CHST9: variants seen among roughly 807,000 people sequenced by gnomAD.
CHST9 encodes the protein carbohydrate sulfotransferase 9, also known as GalNAc-4-sulfotransferase 2.
Under a neutral mutation model 44.4 loss-of-function variants are expected in CHST9, and 41 were observed. The observed-to-expected ratio is 0.92, with a 90% CI of 0.72 to 1.20. The LOEUF is 1.20. Ranked by LOEUF, CHST9 falls within the 50% of genes most tolerant of loss-of-function variation. The probability of loss-of-function intolerance (pLI) is 0.00; values close to 1 mark genes in which losing one functional copy is unlikely to be tolerated. For synonymous variants in CHST9, 171 were observed against 178.4 expected (o/e 0.96, Z 0.33); for missense variants, 504 against 516.5 (o/e 0.98, Z 0.23).
intron 2 of CHST9, among the ~76,000 whole-genome samples, chr18:27,086,945 T>TA (rs898294598): frequency 1.7e-4 from 25 of 151,136 alleles, no homozygotes; most frequent in South Asian, 4.2e-4. Context: ...TTTAATTTTC[T>TA]AAAAAAAAAT....
intron 2 of CHST9, among the ~76,000 whole-genome samples, chr18:27,123,068 A>G (rs1392170466): frequency 1.3e-5 from 2 of 152,202 alleles, no homozygotes; most frequent in South Asian, 2.1e-4. Context: ...ATATATATCA[A>G]TGAGGAAATA....
At chr18:27,109,772 T>C (rs1443729662) in intron 2 of CHST9, among the ~76,000 whole-genome samples, 1 of 152,178 alleles carries the variant, frequency 6.6e-6, no homozygotes, top group Non-Finnish European at 1.5e-5. Context: ...CGACAACTTT[T>C]TTTTTTTAAC....
chr18:27,139,352 A>T (rs1414689930), intron 2 of CHST9, among the ~76,000 whole-genome samples: 1 of 152,102 alleles, frequency 6.6e-6, no homozygotes, highest in African/African-American at 2.4e-5. Context: ...TCTTTGAGTG[A>T]CAGTTCTAAA....
chr18:27,035,364 T>G (rs986063714), intron 3 of CHST9, among the ~76,000 whole-genome samples: 2 of 152,146 alleles, frequency 1.3e-5, no homozygotes, highest in Admixed American at 1.3e-4. Flanking sequence ...TTGTTGTTAT[T>G]TTTTGCTATG....
intron 2 of CHST9, among the ~76,000 whole-genome samples, chr18:27,130,876 A>G (rs1354831121): frequency 1.3e-5 from 2 of 152,222 alleles, no homozygotes; most frequent in African/African-American, 2.4e-5. Flanking sequence ...TACCTTTCAC[A>G]TAAGGCTACA....
At chr18:27,142,008 A>G (rs1370210187) in intron 2 of CHST9, among the ~76,000 whole-genome samples, 1 of 152,226 alleles carries the variant, frequency 6.6e-6, no homozygotes, top group Non-Finnish European at 1.5e-5. Context: ...TTGAAAGACA[A>G]AAGTACAAGA....
chr18:27,181,051 A>G (rs2058907892), intron 1 of CHST9, among the ~76,000 whole-genome samples: 1 of 152,176 alleles, frequency 6.6e-6, no homozygotes, highest in African/African-American at 2.4e-5. Flanking sequence ...TGAAGGGTAC[A>G]TCTACTTTTC....
intron 3 of CHST9, among the ~76,000 whole-genome samples, chr18:27,034,608 C>T (rs567158419): frequency 2.8e-4 from 43 of 152,296 alleles, no homozygotes; most frequent in African/African-American, 9.9e-4. Flanking sequence ...TCACCATGCT[C>T]CAGCCATGTC....
At chr18:27,059,895 T>C (rs924477081) in intron 2 of CHST9, among the ~76,000 whole-genome samples, 2 of 152,204 alleles carry the variant, frequency 1.3e-5, no homozygotes, top group Non-Finnish European at 2.9e-5. Flanking sequence ...ATTTCATGGA[T>C]AGAAGGAAGA....
chr18:27,053,256 A>AAGAAGAAGGAGAAGGAGAAGG (rs1568151140), intron 2 of CHST9, among the ~76,000 whole-genome samples: 9 of 80,580 alleles, frequency 1.1e-4, no homozygotes, highest in South Asian at 9.8e-4. Context: ...GAAGAAGAAG[A>AAGAAGAAGGAGAAGGAGAAGG]AGAAGGAGAA....
rs1164390286 is a variant in CHST9, at chr18:27,089,809, A to AT, written c.122-41307_122-41306insA. ...CCTCTGCAGCATCTGTTGTTTCCTG[A>AT]CTTTTTTTTTTTTTTTTTTGAGACA... On this transcript the variant is annotated intron_variant, in intron 2 of 5. Coordinates refer to ENST00000618847, the MANE Select transcript of CHST9 (RefSeq NM_031422.6). Among the ~76,000 whole-genome samples, 21 of 73,878 alleles carry AT rather than the reference A, an allele frequency of 2.8e-4. No homozygotes were observed. In the East Asian group the frequency reaches 0.01, roughly 37 times the overall value. 48.5% of individuals were successfully genotyped at this position (73,878 alleles called of 152,430 possible). A position where few individuals can be genotyped will look rare whatever the true frequency, so the allele number is the denominator to read the frequency against.
intron 5 of CHST9, among the ~76,000 whole-genome samples, chr18:26,938,664 G>A (rs2056036087): frequency 6.6e-6 from 1 of 152,202 alleles, no homozygotes; most frequent in South Asian, 2.1e-4. Flanking sequence ...AAAGAATCAG[G>A]TACTCAAGTC....
chr18:26,983,397 G>A (rs1326666366), intron 4 of CHST9, among the ~76,000 whole-genome samples: 3 of 152,146 alleles, frequency 2.0e-5, no homozygotes, highest in Non-Finnish European at 2.9e-5. Context: ...GCCACAGTGA[G>A]TTCTCATGAG....
chr18:26,958,713 A>T (rs3916234), intron 4 of CHST9, among the ~76,000 whole-genome samples: 44,064 of 152,116 alleles, frequency 0.29, 7,551 homozygotes, highest in African/African-American at 0.48. Context: ...AGCAAACACA[A>T]GAAAAAATGC....
At chr18:27,106,869 C>T (rs748125671) in intron 2 of CHST9, among the ~76,000 whole-genome samples, 3 of 152,166 alleles carry the variant, frequency 2.0e-5, no homozygotes, top group Non-Finnish European at 4.4e-5. Context: ...TTACCTAGAT[C>T]TTTTTCATCA....
intron 1 of CHST9, among the ~76,000 whole-genome samples, chr18:27,167,716 G>C (rs1036566424): frequency 1.3e-5 from 2 of 152,166 alleles, no homozygotes; most frequent in Non-Finnish European, 2.9e-5. Context: ...AGAATATTGG[G>C]TAAAGGGCAC....
At chr18:27,151,003 T>C (rs561386485) in intron 1 of CHST9, among the ~76,000 whole-genome samples, 40 of 152,290 alleles carry the variant, frequency 2.6e-4, no homozygotes, top group African/African-American at 9.4e-4. Flanking sequence ...AGTTTAATGA[T>C]ATTTAGTCAA....
chr18:26,980,376 AT>A (rs2056677418), intron 4 of CHST9, among the ~76,000 whole-genome samples: 1 of 152,168 alleles, frequency 6.6e-6, no homozygotes, highest in African/African-American at 2.4e-5. Flanking sequence ...TATAAAAAAA[AT>A]GACCCATGAA....
At chr18:26,998,881 G>A (rs2056917729) in intron 4 of CHST9, among the ~76,000 whole-genome samples, 1 of 152,156 alleles carries the variant, frequency 6.6e-6, no homozygotes, top group South Asian at 2.1e-4. Flanking sequence ...CAGCATCCGG[G>A]AAGGACCTTT....
Sources: gnomAD v4.1 joint callset for allele counts (sites outside exome capture counted in the v4.1 genomes callset) on GRCh38, gnomAD v4.1.1 for gene constraint, MANE v1.5 for transcripts, NCBI Gene and HGNC (gene_info 2026-07-23, HGNC 2026-07-21) for gene names.